The following ERC2 variants were observed in gnomAD, a reference collection of about 807,000 sequenced individuals.
The protein encoded by ERC2 is ERC protein 2.
A neutral mutation model predicts 114.8 loss-of-function variants in ERC2; 42 were observed. The ratio of observed to expected loss-of-function variants is 0.37; its 90% confidence interval spans 0.29 to 0.47. The LOEUF (loss-of-function observed/expected upper bound fraction) is 0.47. Among genes scored for constraint, ERC2 ranks in the 20% least tolerant of loss-of-function variants. The probability of loss-of-function intolerance (pLI) is 0.99; values close to 1 mark genes in which losing one functional copy is unlikely to be tolerated. For missense variants in ERC2, 939 were observed against 1,150.7 expected, an observed-to-expected ratio of 0.82 and a Z score of 2.66; for synonymous variants, 454 against 425.5, an observed-to-expected ratio of 1.07 and a Z score of -0.82.
intron 6 of ERC2, among the ~76,000 whole-genome samples, chr3:56,091,056 TG>T (rs956784551): frequency 6.6e-6 from 1 of 152,088 alleles, no homozygotes; most frequent in African/African-American, 2.4e-5. Flanking sequence ...TGGTCAAGGA[TG>T]GGACAATTTG....
chr3:55,550,822 C>G (rs2055125026), intron 17 of ERC2, among the ~76,000 whole-genome samples: 1 of 152,036 alleles, frequency 6.6e-6, no homozygotes, highest in East Asian at 1.9e-4. Flanking sequence ...CGAGACCATC[C>G]TGGCTAACAC....
intron 2 of ERC2, among the ~76,000 whole-genome samples, chr3:56,385,864 T>C (rs2059915933): frequency 6.6e-6 from 1 of 152,178 alleles, no homozygotes; most frequent in East Asian, 1.9e-4. Context: ...ATGGGACAGC[T>C]ATAAAATGAG....
chr3:56,036,276 T>C (rs369132911), intron 7 of ERC2, among the ~76,000 whole-genome samples: 1 of 152,146 alleles, frequency 6.6e-6, no homozygotes, highest in Non-Finnish European at 1.5e-5. Flanking sequence ...AGCTGAAAAC[T>C]TTTCCTCTAA....
intron 1 of ERC2, among the ~76,000 whole-genome samples, chr3:56,457,571 C>A (rs2063120360): frequency 6.6e-6 from 1 of 152,062 alleles, no homozygotes; most frequent in African/African-American, 2.4e-5. Context: ...TATCCGTCCC[C>A]TACTTGAAAT....
At chr3:55,697,243 C>G (rs1376632114) in intron 16 of ERC2, among the ~76,000 whole-genome samples, 1 of 152,180 alleles carries the variant, frequency 6.6e-6, no homozygotes, top group South Asian at 2.1e-4. Context: ...CACCCACTTC[C>G]CGGGCTCCAG....
At chr3:56,322,081 T>G (rs2057151647) in intron 2 of ERC2, among the ~76,000 whole-genome samples, 1 of 152,146 alleles carries the variant, frequency 6.6e-6, no homozygotes, top group Non-Finnish European at 1.5e-5. Flanking sequence ...CTCAGGTAAA[T>G]CACCTAACCA....
chr3:55,948,353 C>T (rs2067264547), intron 13 of ERC2, among the ~76,000 whole-genome samples: 1 of 152,186 alleles, frequency 6.6e-6, no homozygotes, highest in South Asian at 2.1e-4. Context: ...AAGCTAAATC[C>T]TGGCTGACTG....
intron 17 of ERC2, among the ~76,000 whole-genome samples, chr3:55,616,124 A>G (rs2148582554): frequency 6.6e-6 from 1 of 152,308 alleles, no homozygotes; most frequent in East Asian, 1.9e-4. Flanking sequence ...TTACTCAGCT[A>G]GAGGAAGTCC....
intron 6 of ERC2, among the ~76,000 whole-genome samples, chr3:56,107,174 A>G (rs984982565): frequency 6.6e-6 from 1 of 152,150 alleles, no homozygotes; most frequent in African/African-American, 2.4e-5. Flanking sequence ...AAGAAATGCA[A>G]TGATGGCAAT....
intron 2 of ERC2, among the ~76,000 whole-genome samples, chr3:56,327,673 CTCAA>C (rs1022727411): frequency 5.9e-5 from 9 of 152,216 alleles, no homozygotes; most frequent in African/African-American, 2.2e-4. Context: ...AAGACTCCAT[CTCAA>C]TCAATCAATC....
At chr3:55,575,003 ACTTT>A (rs934478995) in intron 17 of ERC2, among the ~76,000 whole-genome samples, 4 of 151,978 alleles carry the variant, frequency 2.6e-5, no homozygotes, top group Admixed American at 6.6e-5. Flanking sequence ...CAGAAGGTGC[ACTTT>A]CTTTCTTTCT....
At chr3:55,997,880 G>GGTTTT (rs1302588153) in intron 10 of ERC2, among the ~76,000 whole-genome samples, 6 of 44,788 alleles carry the variant, frequency 1.3e-4, no homozygotes, top group African/African-American at 1.8e-4. Flanking sequence ...TCTTAATTCT[G>GGTTTT]TTTTTTTTTT....
At chr3:56,258,415 T>C (rs551638291) in intron 3 of ERC2, among the ~76,000 whole-genome samples, 1 of 152,156 alleles carries the variant, frequency 6.6e-6, no homozygotes, top group African/African-American at 2.4e-5. Context: ...CCCAGCACTT[T>C]GGGAGGTGGA....
At chr3:56,455,777 A>C (rs1393389038) in intron 1 of ERC2, among the ~76,000 whole-genome samples, 1 of 152,228 alleles carries the variant, frequency 6.6e-6, no homozygotes, top group Admixed American at 6.5e-5. Context: ...AGACTAAAAA[A>C]ATCTAAGAGC....
intron 14 of ERC2, among the ~76,000 whole-genome samples, chr3:55,865,411 T>C (rs1356287829): frequency 3.9e-5 from 6 of 152,192 alleles, no homozygotes; most frequent in African/African-American, 1.4e-4. Flanking sequence ...ATAACTCGTA[T>C]GTCTTTGCAG....
At chr3:55,866,963 TA>T (rs1234450402) in intron 14 of ERC2, among the ~76,000 whole-genome samples, 2 of 152,166 alleles carry the variant, frequency 1.3e-5, no homozygotes, top group Non-Finnish European at 2.9e-5. Context: ...TTATATAATA[TA>T]AAAATGGTTA....
chr3:56,345,630 A>G (rs1022318931), intron 2 of ERC2, among the ~76,000 whole-genome samples: 16 of 152,224 alleles, frequency 1.1e-4, no homozygotes, highest in Admixed American at 7.9e-4. Flanking sequence ...GAAAGACAAC[A>G]ATGATACCAG....
chr3:56,243,941 T>C (rs2051498317), intron 3 of ERC2, among the ~76,000 whole-genome samples: 1 of 152,184 alleles, frequency 6.6e-6, no homozygotes, highest in African/African-American at 2.4e-5. Flanking sequence ...GTGAGGAACA[T>C]GGTGGAAGAC....
chr3:56,025,003 A>G (rs2073954688), intron 7 of ERC2, among the ~76,000 whole-genome samples: 2 of 152,188 alleles, frequency 1.3e-5, no homozygotes, highest in African/African-American at 4.8e-5. Context: ...GGTGTTGTTG[A>G]ACCTGTGTCG....
Sources: gnomAD v4.1 joint callset for allele counts (sites outside exome capture counted in the v4.1 genomes callset) on GRCh38, gnomAD v4.1.1 for gene constraint, MANE v1.5 for transcripts, NCBI Gene and HGNC (gene_info 2026-07-23, HGNC 2026-07-21) for gene names.